The following LAMA2 variants were observed in gnomAD, a reference collection of about 807,000 sequenced individuals.
The protein encoded by LAMA2 is laminin subunit alpha 2.
A neutral mutation model predicts 364.8 loss-of-function variants in LAMA2; 269 were observed. That is an observed-to-expected ratio of 0.74 (90% CI 0.67 to 0.82). The LOEUF (loss-of-function observed/expected upper bound fraction) is 0.82, where lower values mean the gene tolerates loss of function less well. LAMA2 is among the 40% of genes least tolerant of loss of function. The probability of loss-of-function intolerance (pLI) is 0.00; values close to 1 mark genes in which losing one functional copy is unlikely to be tolerated. For missense variants in LAMA2, 3,807 were observed against 3,873.2 expected, an observed-to-expected ratio of 0.98 and a Z score of 0.45; for synonymous variants, 1,379 against 1,370.6, an observed-to-expected ratio of 1.01 and a Z score of -0.14.
At chr6:129,399,393 G>C (rs1429917524) in intron 37 of LAMA2, among the ~76,000 whole-genome samples, 1 of 152,218 alleles carries the variant, frequency 6.6e-6, no homozygotes, top group Non-Finnish European at 1.5e-5. Flanking sequence ...CCCAGGAATG[G>C]ATTGAGATTA....
At chr6:129,281,611 T>G (rs1788722274) in intron 18 of LAMA2, among the ~76,000 whole-genome samples, 1 of 152,290 alleles carries the variant, frequency 6.6e-6, no homozygotes, top group Non-Finnish European at 1.5e-5. Flanking sequence ...CCTCAGCACC[T>G]CACATCTTTC....
chr6:129,234,513 C>G (rs1372642659), intron 12 of LAMA2, among the ~76,000 whole-genome samples: 1 of 151,984 alleles, frequency 6.6e-6, no homozygotes, highest in Non-Finnish European at 1.5e-5. Context: ...ATTTCTTCTA[C>G]CATATACATG....
intron 17 of LAMA2, among the ~76,000 whole-genome samples, chr6:129,275,724 T>TG (rs1788269162): frequency 6.9e-6 from 1 of 144,532 alleles, no homozygotes; most frequent in South Asian, 2.2e-4. Flanking sequence ...TAAAAATTTG[T>TG]AAAAAAAAAA....
intron 12 of LAMA2, among the ~76,000 whole-genome samples, chr6:129,202,899 T>C (rs1278824832): frequency 6.6e-6 from 1 of 152,170 alleles, no homozygotes; most frequent in Non-Finnish European, 1.5e-5. Flanking sequence ...AGATGGAAAT[T>C]TACTCCTACA....
chr6:129,343,320 CT>C (rs1198538068), intron 30 of LAMA2, among the ~76,000 whole-genome samples: 1 of 152,124 alleles, frequency 6.6e-6, no homozygotes, highest in Non-Finnish European at 1.5e-5. Context: ...ATCTTTGCAC[CT>C]GTGCCTACTC....
At chr6:128,925,828 AC>A (rs1299672540) in intron 1 of LAMA2, among the ~76,000 whole-genome samples, 1 of 151,638 alleles carries the variant, frequency 6.6e-6, no homozygotes, top group African/African-American at 2.4e-5. Context: ...TTTTTTTTTC[AC>A]ATAAATGCTA....
intron 4 of LAMA2, among the ~76,000 whole-genome samples, chr6:129,136,567 A>C (rs550138885): frequency 1.8e-4 from 26 of 143,864 alleles, no homozygotes; most frequent in African/African-American, 5.9e-4. Context: ...GACCAGCAGG[A>C]AAAAAAAAAA....
chr6:129,174,730 T>C (rs1208719989), intron 9 of LAMA2, among the ~76,000 whole-genome samples: 2 of 152,174 alleles, frequency 1.3e-5, no homozygotes, highest in Non-Finnish European at 2.9e-5. Flanking sequence ...ACGTAAGCTT[T>C]CTAGAAGTCA....
At chr6:129,350,966 C>T (rs1198148032) in intron 31 of LAMA2, among the ~76,000 whole-genome samples, 2 of 152,080 alleles carry the variant, frequency 1.3e-5, no homozygotes, top group Non-Finnish European at 2.9e-5. Context: ...AATTAAATAA[C>T]TCATAGCAAC....
intron 1 of LAMA2, among the ~76,000 whole-genome samples, chr6:128,990,369 G>A (rs1266655441): frequency 6.6e-6 from 1 of 152,148 alleles, no homozygotes; most frequent in Non-Finnish European, 1.5e-5. Context: ...CAAATAGGAT[G>A]CATGCAAAAT....
intron 34 of LAMA2, among the ~76,000 whole-genome samples, chr6:129,377,950 A>G (rs1778469131): frequency 6.6e-6 from 1 of 152,106 alleles, no homozygotes; most frequent in South Asian, 2.1e-4. Context: ...AAAACAAAAC[A>G]AGAAAAAATA....
intron 58 of LAMA2, among the ~76,000 whole-genome samples, chr6:129,496,950 C>A (rs1474801354): frequency 6.6e-6 from 1 of 152,192 alleles, no homozygotes; most frequent in Non-Finnish European, 1.5e-5. Flanking sequence ...GCACCTAGCA[C>A]CATGCTTGGC....
intron 1 of LAMA2, among the ~76,000 whole-genome samples, chr6:129,013,329 C>T (rs1784879756): frequency 6.6e-6 from 1 of 151,256 alleles, no homozygotes; most frequent in Non-Finnish European, 1.5e-5. Flanking sequence ...CCCAGCTACT[C>T]GGGAGGCTGA....
chr6:129,305,643 G>A (rs1162342072), intron 22 of LAMA2, among the ~76,000 whole-genome samples: 2 of 152,114 alleles, frequency 1.3e-5, no homozygotes, highest in East Asian at 1.9e-4. Flanking sequence ...GAGACAGAGA[G>A]AGAGAGTGTG....
chr6:129,427,685 C>A, intron 40 of LAMA2, 67 bp from the exon 41 acceptor site: 1 of 1,156,368 alleles, frequency 8.6e-7, no homozygotes, highest in Non-Finnish European at 1.3e-6. Context: ...TACCAACTGC[C>A]TTCTGGATCC....
chr6:129,172,103 C>G lies in LAMA2; in HGVS notation c.1307-5603C>G, dbSNP rs533906567. Among the ~76,000 whole-genome samples the G allele has an allele frequency of 8.5e-4, 127 of 150,234 alleles. 2 individuals carry two copies. The highest frequency in any genetic ancestry group is 8.2e-3 in the Admixed American group (124 of 15,076). On this transcript the variant is annotated intron_variant, in intron 9 of 64. Coordinates refer to ENST00000421865, the MANE Select transcript of LAMA2 (RefSeq NM_000426.4). ...ACATTTTTTTCAAAGTTTTCAACTT[C>G]TTTGCCTTTGGTTTGAATGTCCTCC...
At chr6:129,296,409 T>C (rs1466964611) in intron 20 of LAMA2, among the ~76,000 whole-genome samples, 1 of 151,964 alleles carries the variant, frequency 6.6e-6, no homozygotes, top group Non-Finnish European at 1.5e-5. Context: ...TTTAATCATA[T>C]ACCACAATCT....
At chr6:129,469,678 A>G (rs1783713867) in intron 51 of LAMA2, among the ~76,000 whole-genome samples, 1 of 151,236 alleles carries the variant, frequency 6.6e-6, no homozygotes. Flanking sequence ...TTACTCAAAA[A>G]CTGAAAACAA....
chr6:129,040,733 C>T (rs1787029312), intron 1 of LAMA2, among the ~76,000 whole-genome samples: 1 of 152,212 alleles, frequency 6.6e-6, no homozygotes, highest in South Asian at 2.1e-4. Context: ...ACTTGTCTTT[C>T]CCCAGTGATT....
Sources: gnomAD v4.1 joint callset for allele counts (sites outside exome capture counted in the v4.1 genomes callset) on GRCh38, gnomAD v4.1.1 for gene constraint, MANE v1.5 for transcripts, NCBI Gene and HGNC (gene_info 2026-07-23, HGNC 2026-07-21) for gene names.